The following TNRC6B variants were observed in gnomAD, a reference collection of about 807,000 sequenced individuals.
TNRC6B encodes the protein trinucleotide repeat-containing gene 6B protein.
Under a neutral mutation model 203.6 loss-of-function variants are expected in TNRC6B, and 52 were observed. The ratio of observed to expected loss-of-function variants is 0.26; its 90% confidence interval spans 0.20 to 0.32. The LOEUF (loss-of-function observed/expected upper bound fraction) is 0.32, where lower values mean the gene tolerates loss of function less well. Among genes scored for constraint, TNRC6B ranks in the 10% least tolerant of loss-of-function variants. TNRC6B has a pLI of 1.00. For synonymous variants in TNRC6B, 838 were observed against 845.7 expected (o/e 0.99, Z 0.16); for missense variants, 1,923 against 2,286.2 (o/e 0.84, Z 3.24).
chr22:40,275,200 A>G (rs1160027429), intron 7 of TNRC6B, among the ~76,000 whole-genome samples: 1 of 152,060 alleles, frequency 6.6e-6, no homozygotes, highest in African/African-American at 2.4e-5. Flanking sequence ...AAGAGCTTTT[A>G]TTTCTTCAGT....
chr22:40,166,812 T>G (rs563763563), intron 4 of TNRC6B, among the ~76,000 whole-genome samples: 3 of 152,044 alleles, frequency 2.0e-5, no homozygotes, highest in Non-Finnish European at 2.9e-5. Flanking sequence ...GGAGATTCGC[T>G]TGAACCAGGG....
At chr22:40,149,793 T>TA (rs34190441) in intron 3 of TNRC6B, among the ~76,000 whole-genome samples, 103,023 of 151,366 alleles carry the variant, frequency 0.68, 36,802 homozygotes, top group African/African-American at 0.9. Context: ...GTGTCAAAAC[T>TA]AAAAATTGTA....
At chr22:40,253,129 G>A (rs939210304) in intron 3 of TNRC6B, among the ~76,000 whole-genome samples, 4 of 145,630 alleles carry the variant, frequency 2.7e-5, no homozygotes, top group South Asian at 2.2e-4. Flanking sequence ...GCAGAGTCTC[G>A]CTCTGTCACC....
intron 4 of TNRC6B, among the ~76,000 whole-genome samples, chr22:40,171,441 G>A (rs1412393647): frequency 2.0e-5 from 3 of 151,926 alleles, no homozygotes; most frequent in South Asian, 2.1e-4. Context: ...GATTACAGGC[G>A]TGAGCCACCG....
chr22:40,320,421 A>G (rs548976548), intron 21 of TNRC6B, among the ~76,000 whole-genome samples: 5 of 152,360 alleles, frequency 3.3e-5, no homozygotes, highest in Non-Finnish European at 7.3e-5. Flanking sequence ...TGGAGGTTGC[A>G]GTGAGTCGAG....
chr22:40,254,907 A>G (rs1269588698), intron 3 of TNRC6B, among the ~76,000 whole-genome samples: 1 of 151,928 alleles, frequency 6.6e-6, no homozygotes, highest in Non-Finnish European at 1.5e-5. Flanking sequence ...AAAACAAACA[A>G]ACCTGCATTA....
chr22:40,136,567 AT>A (rs925448897), intron 3 of TNRC6B, among the ~76,000 whole-genome samples: 51 of 146,296 alleles, frequency 3.5e-4, no homozygotes, highest in East Asian at 1.4e-3. Context: ...ACCGAGCTAA[AT>A]TTTTTTTTTT....
chr22:40,154,834 C>CTTT (rs2068797359), intron 3 of TNRC6B, among the ~76,000 whole-genome samples: 1 of 69,344 alleles, frequency 1.4e-5, no homozygotes, highest in Non-Finnish European at 2.4e-5. Flanking sequence ...GAGCAAGACT[C>CTTT]TATCTCAAAA....
chr22:40,221,976 A>AT (rs1157857658), intron 1 of TNRC6B, among the ~76,000 whole-genome samples: 1 of 151,956 alleles, frequency 6.6e-6, no homozygotes, highest in Admixed American at 6.6e-5. Flanking sequence ...CACCCATCTC[A>AT]TTTTTTACTT....
intron 1 of TNRC6B, among the ~76,000 whole-genome samples, chr22:40,197,648 G>A (rs2069359046): frequency 6.7e-6 from 1 of 149,738 alleles, no homozygotes; most frequent in Non-Finnish European, 1.5e-5. Context: ...TGTTGCCCAG[G>A]TTGGAGTGCA....
intron 1 of TNRC6B, among the ~76,000 whole-genome samples, chr22:40,050,832 T>A (rs1051332115): frequency 6.6e-6 from 1 of 151,666 alleles, no homozygotes; most frequent in Non-Finnish European, 1.5e-5. Context: ...TTTTGGGTTT[T>A]TTTTTTTTTT....
intron 1 of TNRC6B, among the ~76,000 whole-genome samples, chr22:40,219,290 C>G (rs932062981): frequency 6.6e-6 from 1 of 152,148 alleles, no homozygotes; most frequent in Non-Finnish European, 1.5e-5. Context: ...TCCATGCTTT[C>G]AGGACTACAC....
intron 1 of TNRC6B, among the ~76,000 whole-genome samples, chr22:40,195,256 C>G (rs1248270526): frequency 6.6e-6 from 1 of 152,214 alleles, no homozygotes; most frequent in East Asian, 1.9e-4. Flanking sequence ...CATCATCTTA[C>G]ATGCCAAGGA....
intron 1 of TNRC6B, among the ~76,000 whole-genome samples, chr22:40,190,354 A>G (rs1024751351): frequency 4.6e-5 from 7 of 152,214 alleles, no homozygotes; most frequent in Non-Finnish European, 7.3e-5. Flanking sequence ...ACTTACAGCA[A>G]AATTTATCTG....
At chr22:40,321,964 C>CA (rs1299389860) in intron 22 of TNRC6B, among the ~76,000 whole-genome samples, 1 of 152,142 alleles carries the variant, frequency 6.6e-6, no homozygotes, top group African/African-American at 2.4e-5. Context: ...CTGCCACTGT[C>CA]AAACTGGTGG....
At chr22:40,272,541 C>T (rs1335651784) in intron 6 of TNRC6B, among the ~76,000 whole-genome samples, 1 of 152,164 alleles carries the variant, frequency 6.6e-6, no homozygotes. Flanking sequence ...TGGAAGTTTC[C>T]AGGCAAGAGA....
At chr22:40,050,291 C>G (rs914932334) in intron 1 of TNRC6B, among the ~76,000 whole-genome samples, 2 of 152,076 alleles carry the variant, frequency 1.3e-5, no homozygotes, top group Non-Finnish European at 2.9e-5. Flanking sequence ...GCACTCAGGC[C>G]GGTTTGGGAT....
At chr22:40,093,875 G>C (rs1043011875) in intron 1 of TNRC6B, among the ~76,000 whole-genome samples, 3 of 152,020 alleles carry the variant, frequency 2.0e-5, no homozygotes, top group Non-Finnish European at 4.4e-5. Context: ...AAATGAATAT[G>C]ATCTAGTATT....
At chr22:40,232,850 T>C (rs1447802363) in intron 1 of TNRC6B, among the ~76,000 whole-genome samples, 6 of 152,022 alleles carry the variant, frequency 3.9e-5, no homozygotes, top group Non-Finnish European at 8.8e-5. Context: ...CTGTCGCTAC[T>C]ACAAAAATTA....
Sources: allele counts gnomAD v4.1 joint callset (sites outside exome capture counted in the v4.1 genomes callset), GRCh38; gene constraint gnomAD v4.1.1; transcripts MANE v1.5; gene names NCBI Gene and HGNC (gene_info 2026-07-23, HGNC 2026-07-21).